The following RALGPS1 variants were observed in gnomAD, a reference collection of about 807,000 sequenced individuals.
The protein encoded by RALGPS1 is ras-specific guanine nucleotide-releasing factor RalGPS1.
Under a neutral mutation model 78.8 loss-of-function variants are expected in RALGPS1, and 19 were observed. The observed-to-expected ratio is 0.24, with a 90% CI of 0.17 to 0.35. The LOEUF (loss-of-function observed/expected upper bound fraction) is 0.35. RALGPS1 is among the 10% of genes least tolerant of loss of function. The pLI, the probability that RALGPS1 is intolerant of heterozygous loss-of-function variation, is 1.00. For missense variants in RALGPS1, 454 were observed against 688.3 expected, an observed-to-expected ratio of 0.66 and a Z score of 3.81; for synonymous variants, 228 against 256.3, an observed-to-expected ratio of 0.89 and a Z score of 1.06.
At chr9:126,966,943 C>A (rs1405942913) in intron 3 of RALGPS1, among the ~76,000 whole-genome samples, 1 of 152,068 alleles carries the variant, frequency 6.6e-6, no homozygotes, top group East Asian at 1.9e-4. Context: ...TCTGGGGTGA[C>A]CTCAAACCTG....
chr9:127,208,502 G>A (rs1010857344), intron 14 of RALGPS1, among the ~76,000 whole-genome samples: 6 of 152,218 alleles, frequency 3.9e-5, no homozygotes, highest in African/African-American at 1.4e-4. Flanking sequence ...TCATGCCTTG[G>A]TCAAGCAGAT....
intron 1 of RALGPS1, among the ~76,000 whole-genome samples, chr9:126,940,441 A>ATTTTTTTTT (rs56123533): frequency 1.5e-5 from 2 of 134,814 alleles, no homozygotes; most frequent in South Asian, 2.4e-4. Context: ...TATATATATA[A>ATTTTTTTTT]TTTTTTTTTT....
chr9:127,093,697 T>C (rs2136488876), intron 8 of RALGPS1: 2 of 1,609,872 alleles, frequency 1.2e-6, no homozygotes, highest in East Asian at 2.2e-5. Context: ...GCCAGTCACC[T>C]TGTGGGCAGC....
At chr9:127,138,030 G>T (rs1388958046) in intron 8 of RALGPS1, among the ~76,000 whole-genome samples, 2 of 152,198 alleles carry the variant, frequency 1.3e-5, no homozygotes, top group Admixed American at 1.3e-4. Context: ...CAAAGGAGCA[G>T]CCAAGGACCT....
At chr9:127,053,370 G>GA (rs2048456062) in intron 7 of RALGPS1, among the ~76,000 whole-genome samples, 1 of 152,086 alleles carries the variant, frequency 6.6e-6, no homozygotes, top group Non-Finnish European at 1.5e-5. Flanking sequence ...CCCCGTGTAG[G>GA]AAAAAACGGA....
intron 7 of RALGPS1, among the ~76,000 whole-genome samples, chr9:127,053,843 C>T (rs2048495175): frequency 6.6e-6 from 1 of 152,154 alleles, no homozygotes; most frequent in Admixed American, 6.5e-5. Flanking sequence ...AGATCTAGTC[C>T]TCGCAAAGTA....
intron 8 of RALGPS1, among the ~76,000 whole-genome samples, chr9:127,164,894 A>G (rs2059216401): frequency 1.3e-5 from 2 of 152,112 alleles, no homozygotes; most frequent in South Asian, 4.1e-4. Context: ...TAATATATAT[A>G]TGTGTATATG....
At chr9:127,166,560 G>T (rs114274455) in intron 9 of RALGPS1, among the ~76,000 whole-genome samples, 1,817 of 152,230 alleles carry the variant, frequency 0.012, 39 homozygotes, top group African/African-American at 0.042. Flanking sequence ...TCGGGGACCA[G>T]CCTTCATTGT....
At chr9:127,092,558 G>A (rs972660004) in intron 8 of RALGPS1, among the ~76,000 whole-genome samples, 1 of 152,132 alleles carries the variant, frequency 6.6e-6, no homozygotes, top group Non-Finnish European at 1.5e-5. Context: ...TTGAGCGCTT[G>A]TGATGTGCTG....
intron 4 of RALGPS1, among the ~76,000 whole-genome samples, chr9:127,033,509 G>A (rs1293279454): frequency 6.6e-6 from 1 of 152,282 alleles, no homozygotes; most frequent in East Asian, 1.9e-4. Context: ...AAAACTCTAG[G>A]TCAATGGCAA....
intron 5 of RALGPS1, among the ~76,000 whole-genome samples, chr9:127,049,598 T>C (rs1181216828): frequency 6.6e-6 from 1 of 152,210 alleles, no homozygotes; most frequent in Non-Finnish European, 1.5e-5. Context: ...GCTGGGGATA[T>C]GGACCTCACA....
chr9:126,979,724 C>T (rs1282703544), intron 4 of RALGPS1, among the ~76,000 whole-genome samples: 2 of 152,184 alleles, frequency 1.3e-5, no homozygotes, highest in African/African-American at 2.4e-5. Context: ...TTGGAAGGTA[C>T]CTCATCAACA....
At chr9:126,924,131 C>G (rs1378356131) in intron 1 of RALGPS1, among the ~76,000 whole-genome samples, 1 of 152,208 alleles carries the variant, frequency 6.6e-6, no homozygotes, top group Non-Finnish European at 1.5e-5. Flanking sequence ...ATCCCATGAA[C>G]TGGAACATGT....
chr9:127,137,961 T>C (rs973064561), intron 8 of RALGPS1, among the ~76,000 whole-genome samples: 6 of 152,196 alleles, frequency 3.9e-5, no homozygotes, highest in African/African-American at 1.4e-4. Context: ...CCTCAGAGAA[T>C]GGAAGCCACT....
intron 1 of RALGPS1, among the ~76,000 whole-genome samples, chr9:126,954,909 G>C (rs1257949324): frequency 1.3e-5 from 2 of 152,196 alleles, no homozygotes; most frequent in East Asian, 3.9e-4. Flanking sequence ...GCCCCAGCCT[G>C]TCTGTCGACT....
chr9:126,962,530 G>A (rs774740187), intron 2 of RALGPS1, among the ~76,000 whole-genome samples, 184 bp downstream of exon 2: 2 of 152,256 alleles, frequency 1.3e-5, no homozygotes, highest in Non-Finnish European at 2.9e-5. Flanking sequence ...GAGGATCAGC[G>A]TGTTTTCTGA....
intron 4 of RALGPS1, among the ~76,000 whole-genome samples, chr9:126,987,070 T>A (rs2041868697): frequency 6.6e-6 from 1 of 152,170 alleles, no homozygotes; most frequent in South Asian, 2.1e-4. Context: ...CTCAGAATAT[T>A]CAGATGATGC....
intron 11 of RALGPS1, among the ~76,000 whole-genome samples, chr9:127,185,050 G>A (rs1026497562): frequency 5.3e-5 from 8 of 152,250 alleles, no homozygotes; most frequent in Non-Finnish European, 4.4e-5. Flanking sequence ...GTGGCCTCCA[G>A]ATATCAATCC....
chr9:126,999,852 A>T (rs10760471), intron 4 of RALGPS1, among the ~76,000 whole-genome samples: 89,117 of 152,172 alleles, frequency 0.59, 30,186 homozygotes, highest in East Asian at 0.81. Flanking sequence ...TGAGAGTGAT[A>T]GCTAGATCAT....
Sources: gnomAD v4.1 joint callset for allele counts (sites outside exome capture counted in the v4.1 genomes callset) on GRCh38, gnomAD v4.1.1 for gene constraint, MANE v1.5 for transcripts, NCBI Gene and HGNC (gene_info 2026-07-23, HGNC 2026-07-21) for gene names.